MCTP1: variants seen among roughly 807,000 people sequenced by gnomAD.
MCTP1 encodes the protein multiple C2 and transmembrane domain-containing protein 1.
MCTP1 carries 69 observed loss-of-function variants against 120.6 expected under a neutral mutation model. The observed-to-expected ratio is 0.57, with a 90% confidence interval of 0.47 to 0.70. The LOEUF (loss-of-function observed/expected upper bound fraction) is 0.70, where lower values mean the gene tolerates loss of function less well. Among genes scored for constraint, MCTP1 ranks in the 30% least tolerant of loss-of-function variants. The pLI, the probability that MCTP1 is intolerant of heterozygous loss-of-function variation, is 0.00. For synonymous variants in MCTP1, 529 were observed against 493.1 expected (o/e 1.07, Z -0.96); for missense variants, 1,203 against 1,248.8 (o/e 0.96, Z 0.55).
chr5:94,798,113 A>C (rs1020677503), intron 18 of MCTP1, among the ~76,000 whole-genome samples: 5 of 152,170 alleles, frequency 3.3e-5, no homozygotes, highest in South Asian at 2.1e-4. Context: ...AAAAAAAAAA[A>C]AACATAGTAA....
intron 2 of MCTP1, among the ~76,000 whole-genome samples, chr5:94,981,552 T>G (rs1829421086): frequency 6.6e-6 from 1 of 152,118 alleles, no homozygotes. Flanking sequence ...TCTCCCTCCA[T>G]TCTAGTGGAG....
At chr5:95,021,273 GAAAAAAT>G (rs1838156558) in intron 1 of MCTP1, among the ~76,000 whole-genome samples, 1 of 151,720 alleles carries the variant, frequency 6.6e-6, no homozygotes, top group Non-Finnish European at 1.5e-5. Flanking sequence ...ACTACTGGGT[GAAAAAAT>G]AAAAAATAAA....
intron 1 of MCTP1, among the ~76,000 whole-genome samples, chr5:95,054,309 T>A (rs1746792184): frequency 6.6e-6 from 1 of 152,192 alleles, no homozygotes; most frequent in African/African-American, 2.4e-5. Flanking sequence ...CTAAATAGAA[T>A]CATTTTGAAG....
At chr5:94,817,431 CAA>C (rs1784701076) in intron 17 of MCTP1, among the ~76,000 whole-genome samples, 1 of 151,890 alleles carries the variant, frequency 6.6e-6, no homozygotes, top group South Asian at 2.1e-4. Flanking sequence ...AACAAACAAA[CAA>C]ACAAACAAAC....
intron 1 of MCTP1, among the ~76,000 whole-genome samples, chr5:95,109,049 G>T (rs1204339278): frequency 6.6e-6 from 1 of 152,104 alleles, no homozygotes; most frequent in African/African-American, 2.4e-5. Flanking sequence ...CCTGATAAAG[G>T]CATATTCCTG....
intron 1 of MCTP1, among the ~76,000 whole-genome samples, chr5:95,120,670 A>G (rs1758156969): frequency 6.6e-6 from 1 of 152,228 alleles, no homozygotes; most frequent in South Asian, 2.1e-4. Flanking sequence ...ACCTGGATAT[A>G]GAAGAAACAT....
At position 94,953,292 on chromosome 5, in the gene MCTP1, T is replaced by G. The variant is rs1821101589; in HGVS notation, c.908A>C (p.Lys303Thr). 6.2e-7 allele frequency: 1 copy of G among 1,612,056 alleles called. No homozygotes were observed. Among genetic ancestry groups the G allele is most frequent in the Admixed American group, 1.7e-5 (1 of 59,860 alleles). Reference sequence around the variant, plus strand: ...TTCTTCCCACACAGGGTTGAGGTTCTTGTGTATTATCTTACTTCTAAAAAC... The same window carrying G: ...TTCTTCCCACACAGGGTTGAGGTTCGTGTGTATTATCTTACTTCTAAAAAC... Reference protein sequence around the residue: ...KEVFRSKIIHKNLNPVWEEKA... With the variant: ...KEVFRSKIIHTNLNPVWEEKA... The change falls in exon 3 of 23, where the codon AAG becomes ACG. Residue 303 changes from lysine to threonine, a missense_variant. Coordinates refer to ENST00000515393, the MANE Select transcript of MCTP1 (RefSeq NM_024717.7).
intron 1 of MCTP1, among the ~76,000 whole-genome samples, chr5:95,242,332 A>C (rs1007982241): frequency 1.3e-5 from 2 of 152,208 alleles, no homozygotes; most frequent in African/African-American, 4.8e-5. Context: ...TGAGATTCTG[A>C]AAATTTTCTA....
At position 94,848,613 on chromosome 5, in the gene MCTP1, C is replaced by T. The variant is rs527568257; in HGVS notation, c.2436+19720G>A. Among the ~76,000 whole-genome samples, 19 of 151,996 alleles carry T rather than the reference C, an allele frequency of 1.3e-4. No homozygotes were observed. The East Asian group carries it at 3.7e-3, about 30-fold the overall frequency. On this transcript the variant is annotated intron_variant, in intron 17 of 22. Transcript: ENST00000515393. ...CCAAATGCAATAACAGACATAAGTT[C>T]CTTATGATGATTGAATTAATTTCAA...
At chr5:94,841,965 G>T (rs1791140904) in intron 17 of MCTP1, among the ~76,000 whole-genome samples, 1 of 152,168 alleles carries the variant, frequency 6.6e-6, no homozygotes, top group Non-Finnish European at 1.5e-5. Flanking sequence ...GACATCCTGA[G>T]AATTTGCCTC....
chr5:94,714,742 CAGA>C, intron 20 of MCTP1, 32 bp downstream of exon 20: 6 of 1,262,610 alleles, frequency 4.8e-6, no homozygotes, highest in Non-Finnish European at 7.0e-6. Context: ...CCTTATCCCA[CAGA>C]AGAATGGGGC....
intron 1 of MCTP1, among the ~76,000 whole-genome samples, chr5:95,040,369 C>A (rs532260881): frequency 6.6e-6 from 1 of 150,730 alleles, no homozygotes; most frequent in African/African-American, 2.4e-5. Flanking sequence ...ACCTGAGAGG[C>A]GGAAGGTTGC....
At position 94,714,771 on chromosome 5, in the gene MCTP1, A is replaced by G; in HGVS notation, c.2720+6T>C. ...AGAATGGGGCTCACAGGTCACCGTC[A>G]CTCACTTCTTTATCCTTTCGCCAAA... On this transcript the variant is annotated splice_donor_region_variant and intron_variant, in intron 20 of 22. Coordinates refer to ENST00000515393, the MANE Select transcript of MCTP1 (RefSeq NM_024717.7). 1 of 1,505,110 alleles carries G rather than the reference A, an allele frequency of 6.6e-7. No individual in the cohort carries two copies. The highest frequency in any genetic ancestry group is 9.3e-7 in the Non-Finnish European group (1 of 1,080,426). 93.2% of individuals were successfully genotyped at this position (1,505,110 alleles called of 1,614,324 possible).
At chr5:94,926,553 G>C (rs1355594801) in intron 6 of MCTP1, among the ~76,000 whole-genome samples, 1 of 152,124 alleles carries the variant, frequency 6.6e-6, no homozygotes, top group Non-Finnish European at 1.5e-5. Flanking sequence ...TTGGAGCCAG[G>C]ATCCTGACAA....
chr5:95,064,202 T>A (rs1308104534), intron 1 of MCTP1, among the ~76,000 whole-genome samples: 2 of 152,214 alleles, frequency 1.3e-5, no homozygotes, highest in Non-Finnish European at 2.9e-5. Flanking sequence ...GCACAACTAA[T>A]GGCAAAAGTT....
intron 17 of MCTP1, chr5:94,826,443 T>C (rs2153127424): frequency 1.5e-6 from 1 of 675,776 alleles, no homozygotes; most frequent in Non-Finnish European, 2.8e-6. Flanking sequence ...ATTTGGGTTC[T>C]TCAGGAACAC....
chr5:95,142,786 T>C (rs1450013483), intron 1 of MCTP1, among the ~76,000 whole-genome samples: 2 of 152,120 alleles, frequency 1.3e-5, no homozygotes, highest in Non-Finnish European at 2.9e-5. Context: ...ACAGCATAGA[T>C]AGCATGAAAC....
At chr5:95,115,899 A>T (rs1229574248) in intron 1 of MCTP1, among the ~76,000 whole-genome samples, 2 of 152,128 alleles carry the variant, frequency 1.3e-5, no homozygotes, top group East Asian at 1.9e-4. Context: ...GAAACAAATA[A>T]CATAAAATGG....
intron 1 of MCTP1, among the ~76,000 whole-genome samples, chr5:95,221,379 G>C (rs1753677407): frequency 6.6e-6 from 1 of 152,150 alleles, no homozygotes; most frequent in African/African-American, 2.4e-5. Context: ...CTCCCACTTG[G>C]GCAGAGCCAT....
Sources: allele counts gnomAD v4.1 joint callset (sites outside exome capture counted in the v4.1 genomes callset), GRCh38; gene constraint gnomAD v4.1.1; transcripts MANE v1.5; gene names NCBI Gene and HGNC (gene_info 2026-07-23, HGNC 2026-07-21).